CDHR2: variants seen among roughly 807,000 people sequenced by gnomAD.
CDHR2 encodes the protein cadherin related family member 2, also known as cadherin-related family member 2.
Under a neutral mutation model 138.6 loss-of-function variants are expected in CDHR2, and 104 were observed. That is an observed-to-expected ratio of 0.75 (90% CI 0.64 to 0.88). The LOEUF is 0.88. Among genes scored for constraint, CDHR2 ranks in the 40% least tolerant of loss-of-function variants. CDHR2 has a pLI of 0.00. For synonymous variants in CDHR2, 755 were observed against 742.8 expected, an observed-to-expected ratio of 1.02 and a Z score of -0.27; for missense variants, 1,624 against 1,727.6, an observed-to-expected ratio of 0.94 and a Z score of 1.06.
chr5:176,588,253 GGTGA>G (rs573788563), intron 21 of CDHR2, among the ~76,000 whole-genome samples: 227 of 149,636 alleles, frequency 1.5e-3, no homozygotes, highest in African/African-American at 4.4e-3. Flanking sequence ...TGTGTATAAG[GGTGA>G]GTGAGTGTAT....
chr5:176,590,357 T>C, intron 26 of CDHR2, 27 bp downstream of exon 26: 1 of 1,613,930 alleles, frequency 6.2e-7, no homozygotes, highest in African/African-American at 1.3e-5. Context: ...TTGGGGCAGG[T>C]GTGAGGGTGA....
chr5:176,581,494 T>C lies in CDHR2; in HGVS notation c.1970T>C (p.Leu657Pro). ...PLDREAIDPA[L>P]EGRIVLTVLV... ...GACAGAGAGGCCATCGACCCCGCCCTGGAGGGCCGCATTGTGCTGACAGTG... is the reference window on the plus strand; with the variant it reads ...GACAGAGAGGCCATCGACCCCGCCCCGGAGGGCCGCATTGTGCTGACAGTG... The change falls in exon 17 of 32, where the codon CTG (leucine) becomes CCG (proline). Residue 657 changes from leucine (L) to proline (P), a missense_variant. Physicochemically the swap from Leu to Pro is moderately conservative, Grantham distance 98. Coordinates refer to ENST00000261944, the MANE Select transcript of CDHR2 (RefSeq NM_017675.6). The C allele has an allele frequency of 6.2e-7, 1 of 1,614,162 alleles. No individual in the cohort carries two copies. Among genetic ancestry groups the C allele is most frequent in the Non-Finnish European group, 8.5e-7 (1 of 1,180,034 alleles).
chr5:176,589,235 C>T, intron 22 of CDHR2, 53 bp downstream of exon 22: 4 of 1,607,280 alleles, frequency 2.5e-6, no homozygotes, highest in Non-Finnish European at 3.4e-6. Context: ...CCGATAGGAG[C>T]TTTCAGGCAG....
chr5:176,592,093 GTGA>G (rs1325895483), intron 30 of CDHR2, among the ~76,000 whole-genome samples: 2 of 64,644 alleles, frequency 3.1e-5, no homozygotes, highest in African/African-American at 7.9e-5. Context: ...GGTGGTGGTG[GTGA>G]TGGTGGTGGT....
At chr5:176,567,967 C>T (rs1369190663) in intron 3 of CDHR2, among the ~76,000 whole-genome samples, 2 of 152,214 alleles carry the variant, frequency 1.3e-5, no homozygotes, top group Admixed American at 1.3e-4. Context: ...TTGTGGGCCA[C>T]GAAAGTATCA....
intron 18 of CDHR2, 52 bp downstream of exon 18, chr5:176,584,311 T>C (rs764916581): frequency 6.2e-7 from 1 of 1,613,192 alleles, no homozygotes; most frequent in Non-Finnish European, 8.5e-7. Flanking sequence ...CCAGTGTGGC[T>C]TTGTCAGGGT....
At chr5:176,560,971 C>G (rs1406935477) in intron 1 of CDHR2, among the ~76,000 whole-genome samples, 1 of 108,152 alleles carries the variant, frequency 9.2e-6, no homozygotes, top group Non-Finnish European at 2.1e-5. Flanking sequence ...ACCAGGATCT[C>G]TGACTGTCTA....
At chr5:176,570,715 G>A (rs747625190) in intron 5 of CDHR2, among the ~76,000 whole-genome samples, 8 of 152,154 alleles carry the variant, frequency 5.3e-5, no homozygotes, top group South Asian at 2.1e-4. Context: ...ACTTTGGGAC[G>A]CCAAGGCGGG....
chr5:176,595,526 C>G lies in CDHR2; in HGVS notation c.3793-6C>G. 1.3e-6 allele frequency: 2 copies of G among 1,591,974 alleles called. No individual in the cohort carries two copies. Among genetic ancestry groups the G allele is most frequent in the Non-Finnish European group, 1.7e-6 (2 of 1,168,002 alleles). ...CCCTTCACACCTCCTCTCCCTCTCC[C>G]TGCAGGAGCACAGGCCACCACACAC... On this transcript the variant is annotated splice_polypyrimidine_tract_variant and splice_region_variant and intron_variant, in intron 31 of 31. Transcript: ENST00000261944.
In CDHR2 at chr5:176,595,543, A is replaced by G; in HGVS notation, c.3804A>G (p.Pro1268=). ...CCCTCTCCCTGCAGGAGCACAGGCC[A>G]CCACACACACCACCAGAGCCAGATC... ...KNSQEIKEHR[P]PHTPPEPDPE... is the part of the protein sequence containing the mutation. The change falls in exon 32 of 32, where the codon CCA becomes CCG. Residue 1268 remains proline, a synonymous_variant. Coordinates refer to ENST00000261944, the MANE Select transcript of CDHR2 (RefSeq NM_017675.6). The G allele has an allele frequency of 6.2e-7, 1 of 1,605,058 alleles. No homozygotes were observed. Among genetic ancestry groups the G allele is most frequent in the Non-Finnish European group, 8.5e-7 (1 of 1,175,426 alleles).
At chr5:176,561,712 T>G (rs1292397167) in intron 1 of CDHR2, among the ~76,000 whole-genome samples, 1 of 149,686 alleles carries the variant, frequency 6.7e-6, no homozygotes, top group African/African-American at 2.5e-5. Flanking sequence ...TGATCTCGAC[T>G]CATTGCAACC....
intron 1 of CDHR2, among the ~76,000 whole-genome samples, chr5:176,563,645 A>G (rs932912618): frequency 1.3e-5 from 2 of 152,140 alleles, no homozygotes; most frequent in African/African-American, 4.8e-5. Context: ...CTATTTTAAC[A>G]TTAACGCTGG....
intron 30 of CDHR2, among the ~76,000 whole-genome samples, chr5:176,592,083 G>T (rs557591034): frequency 8.5e-6 from 1 of 117,674 alleles, no homozygotes; most frequent in Admixed American, 9.3e-5. Context: ...CAGTTATCGT[G>T]GTGGTGGTGG....
At chr5:176,546,661 CTGTAA>C (rs1340138515), upstream of CDHR2, among the ~76,000 whole-genome samples, 1 of 150,332 alleles carries the variant, frequency 6.7e-6, no homozygotes, top group Non-Finnish European at 1.5e-5. Flanking sequence ...CGGCTCACAC[CTGTAA>C]TCCTAGTACT....
rs768131767 is a variant in CDHR2 at position 176,590,260 on chromosome 5, C to A, written c.3283C>A (p.Pro1095Thr). The change falls in exon 26 of 32, where the codon CCT becomes ACT. Residue 1095 changes from proline (P) to threonine (T), a missense_variant. Coordinates refer to ENST00000261944, the MANE Select transcript of CDHR2 (RefSeq NM_017675.6). ...QDIDSAARAR[P>T]HSYLDAYFVF... ...AACTCTGTCCCGCTCCAGGGCCCGA[C>A]CTCACTCCTACCTCGATGCCTACTT... 1 of 1,614,166 alleles carries A rather than the reference C, an allele frequency of 6.2e-7. No homozygotes were observed. Among genetic ancestry groups the A allele is most frequent in the Non-Finnish European group, 8.5e-7 (1 of 1,180,030 alleles).
chr5:176,580,125 C>T (rs1264950279), intron 16 of CDHR2, among the ~76,000 whole-genome samples: 2 of 151,972 alleles, frequency 1.3e-5, no homozygotes, highest in African/African-American at 4.8e-5. Flanking sequence ...CACACACTCA[C>T]GCACGCACTC....
upstream of CDHR2, among the ~76,000 whole-genome samples, chr5:176,547,223 C>T (rs373788737): frequency 7.6e-4 from 115 of 152,154 alleles, 1 homozygote; most frequent in African/African-American, 2.6e-3. Flanking sequence ...GTGATCCACC[C>T]GCCTCAGCCT....
Position 176,575,427 on chromosome 5 carries a change from G to A in CDHR2, c.768+1G>A. 1.2e-6 allele frequency: 2 copies of A among 1,614,238 alleles called. No homozygotes were observed. Among genetic ancestry groups the A allele is most frequent in the East Asian group, 2.2e-5 (1 of 44,888 alleles). On this transcript the variant is annotated splice_donor_variant, in intron 9 of 31. Coordinates refer to ENST00000261944, the MANE Select transcript of CDHR2 (RefSeq NM_017675.6). LOFTEE classifies it high-confidence loss of function. Reference sequence around the variant, plus strand: ...CTCTGTGGCTGAGGATGCAGCCAAGGTGCACGGGGGACCTGTGGGGTGTGG... The same window carrying A: ...CTCTGTGGCTGAGGATGCAGCCAAGATGCACGGGGGACCTGTGGGGTGTGG...
At chr5:176,561,180 C>T (rs764240790) in intron 1 of CDHR2, among the ~76,000 whole-genome samples, 4 of 152,220 alleles carry the variant, frequency 2.6e-5, no homozygotes, top group Non-Finnish European at 5.9e-5. Flanking sequence ...ACACAAACCC[C>T]TGGTGTAGGT....
Sources: gnomAD v4.1 joint callset for allele counts (sites outside exome capture counted in the v4.1 genomes callset) on GRCh38, gnomAD v4.1.1 for gene constraint, MANE v1.5 for transcripts, NCBI Gene and HGNC (gene_info 2026-07-23, HGNC 2026-07-21) for gene names.